Variants in SELENOS observed in about 807,000 individuals in gnomAD.
The protein encoded by SELENOS is VCP interacting membrane selenoprotein.
In SELENOS, 37 loss-of-function variants were observed where a neutral mutation model predicts 30.2. The observed-to-expected ratio is 1.23, with a 90% confidence interval of 0.94 to 1.61. The LOEUF is 1.61. SELENOS is among the 40% of genes most tolerant of loss of function. The pLI, the probability that SELENOS is intolerant of heterozygous loss-of-function variation, is 0.00. For synonymous variants in SELENOS, 119 were observed against 91.6 expected, an observed-to-expected ratio of 1.30 and a Z score of -1.71; for missense variants, 289 against 231.8, an observed-to-expected ratio of 1.25 and a Z score of -1.60.
At chr15:101,276,097 A>G (rs2039323548) in intron 2 of SELENOS, among the ~76,000 whole-genome samples, 1 of 151,170 alleles carries the variant, frequency 6.6e-6, no homozygotes, top group African/African-American at 2.4e-5. Flanking sequence ...TAATATTTGT[A>G]TTTTTAGTAG....
chr15:101,272,637 A>G lies in SELENOS; in HGVS notation c.*134T>C. 1 of 850,474 alleles carries G rather than the reference A, an allele frequency of 1.2e-6. No homozygotes were observed. The highest frequency in any genetic ancestry group is 1.9e-6 in the Non-Finnish European group (1 of 531,828). 52.7% of individuals were successfully genotyped at this position (850,474 alleles called of 1,614,324 possible). On this transcript the variant is annotated 3_prime_UTR_variant, in exon 6 of 6. Transcript: ENST00000526049. ...CTTTTGCTGACTGGAGCCCTGACAT[A>G]TGCAGGTGTAGTTAGGAACAGAAAT...
In SELENOS at chr15:101,275,317, G is replaced by T; in HGVS notation, c.256C>A (p.Arg86=). The T allele has an allele frequency of 1.3e-6, 2 of 1,581,940 alleles. No homozygotes were observed. The highest frequency in any genetic ancestry group is 2.3e-5 in the South Asian group (2 of 85,624). ...TTTAGTTCTTCTTGCATTTTCAGTC[G>T]AGCAGCTGCTAAAGCTTCTTGTCGT... ...VKRQEALAAA[R]LKMQEELNAQ... Residue 86 remains arginine, a synonymous_variant, in exon 3 of 6, where the codon CGA becomes AGA. Coordinates refer to ENST00000526049, the MANE Select transcript of SELENOS (RefSeq NM_018445.6).
At position 101,276,648 on chromosome 15, in the gene SELENOS, C is replaced by T. The variant is rs1380855501; in HGVS notation, c.104G>A (p.Trp35Ter). The change falls in exon 2 of 6, where the codon TGG becomes TAG. Residue 35 changes from tryptophan to a stop codon, truncating the protein, a stop_gained. Transcript: ENST00000526049. LOFTEE classifies it high-confidence loss of function. ...AAGGATGCAGCTGAAGACGATGTACCAGCCATAGGTGGCCAGCAGGGAGCC... is the reference window on the plus strand; with the variant it reads ...AAGGATGCAGCTGAAGACGATGTACTAGCCATAGGTGGCCAGCAGGGAGCC... ...TVGSLLATYG[W>*]YIVFSCILLY... The T allele has an allele frequency of 6.2e-7, 1 of 1,610,648 alleles. No homozygotes were observed. Among genetic ancestry groups the T allele is most frequent in the African/African-American group, 1.3e-5 (1 of 74,736 alleles).
chr15:101,277,231 T>C, intron 1 of SELENOS, 111 bp downstream of exon 1: 2 of 1,503,220 alleles, frequency 1.3e-6, no homozygotes, highest in Non-Finnish European at 1.8e-6. Flanking sequence ...CGCCCGACCG[T>C]TCCCAGGCCT....
chr15:101,277,246 G>A (rs997205748), intron 1 of SELENOS, 96 bp downstream of exon 1: 18 of 1,516,886 alleles, frequency 1.2e-5, no homozygotes, highest in South Asian at 1.2e-5. Flanking sequence ...AGGCCTCCCA[G>A]GCTCCGGCGC....
Position 101,272,653 on chromosome 15 carries a change from G to C in SELENOS, c.*118C>G. On this transcript the variant is annotated 3_prime_UTR_variant, in exon 6 of 6. Coordinates refer to ENST00000526049, the MANE Select transcript of SELENOS (RefSeq NM_018445.6). Reference sequence around the variant, plus strand: ...CCCTGACATATGCAGGTGTAGTTAGGAACAGAAATCAACCCCACCTCCCCT... The same window carrying C: ...CCCTGACATATGCAGGTGTAGTTAGCAACAGAAATCAACCCCACCTCCCCT... 1 of 1,045,752 alleles carries C rather than the reference G, an allele frequency of 9.6e-7. No homozygotes were observed. The highest frequency in any genetic ancestry group is 1.4e-6 in the Non-Finnish European group (1 of 699,674). The allele number at this position is 1,045,752 out of a possible 1,614,324, so 64.8% of individuals were successfully genotyped here.
chr15:101,274,855 C>T, intron 3 of SELENOS, 174 bp from the exon 4 acceptor site: 2 of 720,858 alleles, frequency 2.8e-6, no homozygotes, highest in Admixed American at 3.1e-5. Context: ...TCACATAGAG[C>T]AGCTTTGGTT....
At chr15:101,272,948 C>T (rs997147172) in intron 5 of SELENOS, 92 bp from the exon 6 acceptor site, 31 of 1,136,412 alleles carry the variant, frequency 2.7e-5, no homozygotes, top group Non-Finnish European at 3.6e-5. Context: ...GAGAGTGACA[C>T]GCAAAGCACT....
chr15:101,274,792 C>T, intron 3 of SELENOS, 111 bp from the exon 4 acceptor site: 1 of 1,140,536 alleles, frequency 8.8e-7, no homozygotes, highest in Non-Finnish European at 1.2e-6. Flanking sequence ...CAAACTTCAC[C>T]CTCGTTTTCT....
intron 5 of SELENOS, among the ~76,000 whole-genome samples, chr15:101,273,653 T>A (rs1196354880): frequency 6.6e-6 from 1 of 152,204 alleles, no homozygotes; most frequent in Non-Finnish European, 1.5e-5. Flanking sequence ...TCCAGATGCA[T>A]CACCTTCTCT....
chr15:101,275,177 AAC>A (rs1405204909), intron 3 of SELENOS, 76 bp downstream of exon 3: 3 of 1,285,826 alleles, frequency 2.3e-6, no homozygotes, highest in African/African-American at 3.0e-5. Context: ...GCTTATAGAC[AAC>A]ACAGACACAG....
chr15:101,274,310 G>C (rs2039299228), intron 5 of SELENOS, 110 bp downstream of exon 5: 2 of 1,253,820 alleles, frequency 1.6e-6, no homozygotes, highest in Admixed American at 4.0e-5. Flanking sequence ...ACAATCCTAA[G>C]GAATTAGTCT....
At chr15:101,276,838 G>A (rs2039333498) in intron 1 of SELENOS, 163 bp from the exon 2 acceptor site, 1 of 780,954 alleles carries the variant, frequency 1.3e-6, no homozygotes, top group Non-Finnish European at 2.0e-6. Context: ...AACTCAAGAA[G>A]TGCGACAATT....
chr15:101,271,830 T>A (rs540533830), downstream of SELENOS, among the ~76,000 whole-genome samples: 1 of 152,324 alleles, frequency 6.6e-6, no homozygotes, highest in African/African-American at 2.4e-5. Context: ...AAAACAATCC[T>A]TTAAAAATAT....
At chr15:101,275,495 C>A (rs537289324) in intron 2 of SELENOS, 134 bp from the exon 3 acceptor site, 2 of 724,102 alleles carry the variant, frequency 2.8e-6, no homozygotes, top group Admixed American at 7.5e-5. Context: ...TACATAAGTA[C>A]TCCTAACCCC....
At position 101,276,560 on chromosome 15, in the gene SELENOS, G is replaced by A; in HGVS notation, c.192C>T (p.Asp64=). 1 of 1,611,982 alleles carries A rather than the reference G, an allele frequency of 6.2e-7. No homozygotes were observed. Among genetic ancestry groups the A allele is most frequent in the Non-Finnish European group, 8.5e-7 (1 of 1,179,320 alleles). ...RLRALRQRQL[D]RAAAAVEPDV... is the part of the protein sequence containing the mutation. ...ACTAACCCACAGCAGCCGCAGCTCG[G>A]TCCAGCTGCCTCTGCCTCAAGGCTC... The change falls in exon 2 of 6, where the codon GAC becomes GAT. Residue 64 remains aspartate (D), a synonymous_variant. Coordinates refer to ENST00000526049, the MANE Select transcript of SELENOS (RefSeq NM_018445.6).
Position 101,272,793 on chromosome 15 carries a change from G to C in SELENOS, c.548C>G (p.Pro183Arg). ...TTCTTAGCCTCATCCGCCAGATGAC[G>C]GGCCTCTGCGTCCAGGTCTCCAGGA... The part of the protein sequence containing the change: ...ACSWRPGRRG[P>R]SSGGUG The change falls in exon 6 of 6, where the codon CCG (proline) becomes CGG (arginine). Residue 183 changes from proline (P) to arginine (R), a missense_variant. Transcript: ENST00000526049. 1.2e-6 allele frequency: 2 copies of C among 1,609,880 alleles called. No individual in the cohort carries two copies. Among genetic ancestry groups the C allele is most frequent in the Non-Finnish European group, 8.5e-7 (1 of 1,178,168 alleles).
chr15:101,273,899 G>T (rs2039295747), intron 5 of SELENOS, among the ~76,000 whole-genome samples: 1 of 152,214 alleles, frequency 6.6e-6, no homozygotes, highest in African/African-American at 2.4e-5. Flanking sequence ...GCAGTAACTT[G>T]CAACTCTTAG....
rs1382700128 is a variant in SELENOS, at chr15:101,272,634, C to G, written c.*137G>C. On this transcript the variant is annotated 3_prime_UTR_variant, in exon 6 of 6. Transcript: ENST00000526049. ...TACCTTTTGCTGACTGGAGCCCTGACATATGCAGGTGTAGTTAGGAACAGA... is the reference window on the plus strand; with the variant it reads ...TACCTTTTGCTGACTGGAGCCCTGAGATATGCAGGTGTAGTTAGGAACAGA... 2.4e-6 allele frequency: 2 copies of G among 826,184 alleles called. No homozygotes were observed. The highest frequency in any genetic ancestry group is 3.9e-6 in the Non-Finnish European group (2 of 513,172). The allele number at this position is 826,184 out of a possible 1,614,324, so 51.2% of individuals were successfully genotyped here. A position where few individuals can be genotyped will look rare whatever the true frequency, so the allele number is the denominator to read the frequency against.
Sources: allele counts gnomAD v4.1 joint callset (sites outside exome capture counted in the v4.1 genomes callset), GRCh38; gene constraint gnomAD v4.1.1; transcripts MANE v1.5; gene names NCBI Gene and HGNC (gene_info 2026-07-23, HGNC 2026-07-21).